Variants in DYM observed in about 807,000 individuals in gnomAD.
DYM encodes dyggve-Melchior-Clausen syndrome protein.
In DYM, 78 loss-of-function variants were observed where a neutral mutation model predicts 93.1. The observed-to-expected ratio is 0.84, with a 90% CI of 0.70 to 1.01. The LOEUF (loss-of-function observed/expected upper bound fraction) is 1.01, where lower values mean the gene tolerates loss of function less well. Among genes scored for constraint, DYM ranks in the 50% least tolerant of loss-of-function variants. DYM has a pLI of 0.00. For synonymous variants in DYM, 321 were observed against 319.7 expected (o/e 1.00, Z -0.04); for missense variants, 789 against 845.0 (o/e 0.93, Z 0.82).
intron 17 of DYM, among the ~76,000 whole-genome samples, chr18:49,081,525 AGGGG>A (rs2078021914): frequency 6.4e-4 from 1 of 1,552 alleles, no homozygotes; most frequent in Non-Finnish European, 6.7e-3. Flanking sequence ...CGAGAGGGAG[AGGGG>A]AGAGGGGAGA....
chr18:49,269,853 A>G (rs1361021053), intron 11 of DYM, among the ~76,000 whole-genome samples: 1 of 152,242 alleles, frequency 6.6e-6, no homozygotes, highest in Non-Finnish European at 1.5e-5. Context: ...GATAGCATAC[A>G]GTAATGTCTT....
chr18:49,202,612 T>G (rs368111486), intron 14 of DYM, among the ~76,000 whole-genome samples: 1 of 107,500 alleles, frequency 9.3e-6, no homozygotes, highest in Non-Finnish European at 1.9e-5. Context: ...GGCCGCCCAT[T>G]GTCTGAGATG....
At chr18:49,349,095 C>G (rs953577421) in intron 6 of DYM, among the ~76,000 whole-genome samples, 5 of 151,998 alleles carry the variant, frequency 3.3e-5, no homozygotes, top group African/African-American at 9.7e-5. Context: ...GTAATCCCAG[C>G]TACTGGTGAG....
chr18:49,273,984 C>T (rs1046291856), intron 10 of DYM, among the ~76,000 whole-genome samples: 5 of 151,906 alleles, frequency 3.3e-5, no homozygotes, highest in African/African-American at 1.2e-4. Context: ...CAGAATAGTA[C>T]TTCATTCTTT....
At chr18:49,363,111 C>A in intron 6 of DYM, 50 bp downstream of exon 6, 1 of 1,414,814 alleles carries the variant, frequency 7.1e-7, no homozygotes, top group Non-Finnish European at 1.0e-6. Flanking sequence ...CAATGATTAT[C>A]TGCCATATAC....
intron 15 of DYM, among the ~76,000 whole-genome samples, chr18:49,140,355 T>C (rs558287092): frequency 1.8e-4 from 27 of 152,234 alleles, no homozygotes; most frequent in African/African-American, 5.5e-4. Flanking sequence ...TTGCAAGGAG[T>C]ATTTCCTTGA....
chr18:49,198,832 G>T (rs1485288957), intron 14 of DYM, among the ~76,000 whole-genome samples: 1 of 151,728 alleles, frequency 6.6e-6, no homozygotes, highest in African/African-American at 2.4e-5. Context: ...ATTCCTCAGG[G>T]ATCTAGAACT....
At chr18:49,432,329 C>CAAAAAAAAAAAAAA (rs11429840) in intron 1 of DYM, among the ~76,000 whole-genome samples, 1 of 75,808 alleles carries the variant, frequency 1.3e-5, no homozygotes. Flanking sequence ...AAGACTGTCT[C>CAAAAAAAAAAAAAA]AAAAAAAAAA....
At chr18:49,131,485 A>C (rs974442651) in intron 15 of DYM, among the ~76,000 whole-genome samples, 2 of 152,070 alleles carry the variant, frequency 1.3e-5, no homozygotes, top group African/African-American at 2.4e-5. Flanking sequence ...TTGGCCTCCC[A>C]AAGTGCTAGG....
chr18:49,192,063 G>A (rs1333987682), intron 14 of DYM, among the ~76,000 whole-genome samples: 3 of 151,118 alleles, frequency 2.0e-5, no homozygotes, highest in Admixed American at 2.0e-4. Flanking sequence ...CAGCCTCCTG[G>A]GACTATACAT....
chr18:49,039,544 G>T lies in DYM; in HGVS notation c.*4511C>A, dbSNP rs73957579. Among the ~76,000 whole-genome samples, 395 of 152,106 alleles carry T rather than the reference G, an allele frequency of 2.6e-3. 2 individuals carry two copies. Among genetic ancestry groups the T allele is most frequent in the African/African-American group, 9.3e-3 (385 of 41,490 alleles). ...CTACCCTGCATGTCTGAGCAGGTCA[G>T]ACATGCTCACTGTACCCTTTAAGTC... is the stretch of plus-strand genomic sequence containing the variant. On this transcript the variant is annotated 3_prime_UTR_variant, in exon 18 of 18. Transcript: ENST00000675505.
intron 6 of DYM, among the ~76,000 whole-genome samples, chr18:49,341,974 A>G (rs925072658): frequency 1.3e-5 from 2 of 152,216 alleles, no homozygotes; most frequent in African/African-American, 4.8e-5. Context: ...GCAGCTTTAA[A>G]CAGCACCATT....
chr18:49,087,921 T>G (rs1425153309), intron 17 of DYM, among the ~76,000 whole-genome samples: 52 of 152,374 alleles, frequency 3.4e-4, no homozygotes, highest in Non-Finnish European at 2.1e-4. Context: ...TGTCTTCTTT[T>G]GAGAAATATC....
chr18:49,049,054 T>G (rs1241990118), intron 17 of DYM, among the ~76,000 whole-genome samples: 2 of 152,192 alleles, frequency 1.3e-5, no homozygotes, highest in Non-Finnish European at 2.9e-5. Flanking sequence ...TATAAAATAG[T>G]ATAAACTTTA....
At chr18:49,260,268 G>C (rs1467041958) in intron 11 of DYM, among the ~76,000 whole-genome samples, 1 of 152,192 alleles carries the variant, frequency 6.6e-6, no homozygotes, top group African/African-American at 2.4e-5. Flanking sequence ...TATAGTCCCA[G>C]CTACTCTGGA....
chr18:49,169,261 G>T (rs1260169744), intron 14 of DYM, among the ~76,000 whole-genome samples: 1 of 152,214 alleles, frequency 6.6e-6, no homozygotes, highest in Non-Finnish European at 1.5e-5. Context: ...GCACCTGAAG[G>T]GAGAAAGAGG....
At position 49,116,336 on chromosome 18, in the gene DYM, T is replaced by C. The variant is rs528690180; in HGVS notation, c.1911+2408A>G. 5 of 152,302 alleles carry C rather than the reference T, an allele frequency of 3.3e-5. 1 individual carries two copies. The South Asian group carries it at 1.0e-3, about 32-fold the overall frequency. 9.4% of individuals were successfully genotyped at this position (152,302 alleles called of 1,614,324 possible). ...CTTAACCCAAGGCCAATTTCTCATG[T>C]AAAAGGGGAAAGAGTTTTGTGAAAC... On this transcript the variant is annotated intron_variant, in intron 16 of 17. Transcript: ENST00000675505.
rs956956028 is a variant in DYM at position 49,058,865 on chromosome 18, T to TA, written c.2026-14662dup. Among the ~76,000 whole-genome samples, 17 of 152,000 alleles carry TA rather than the reference T, an allele frequency of 1.1e-4. 1 individual carries two copies. Among genetic ancestry groups the TA allele is most frequent in the Non-Finnish European group, 2.4e-4 (16 of 68,008 alleles). On this transcript the variant is annotated intron_variant, in intron 17 of 17. Transcript: ENST00000675505. ...AGGATGTAGAACATACCTTTTTTTT[T>TA]AAATCAAAATTTGTTATACATAAGA...
intron 17 of DYM, among the ~76,000 whole-genome samples, chr18:49,081,854 G>A (rs1028191348): frequency 6.6e-6 from 1 of 152,212 alleles, no homozygotes; most frequent in African/African-American, 2.4e-5. Flanking sequence ...TGTGTGCAGT[G>A]TGATGCTGTC....
Sources: allele counts gnomAD v4.1 joint callset (sites outside exome capture counted in the v4.1 genomes callset), GRCh38; gene constraint gnomAD v4.1.1; transcripts MANE v1.5; gene names NCBI Gene and HGNC (gene_info 2026-07-23, HGNC 2026-07-21).